SLC4A4: variants seen among roughly 807,000 people sequenced by gnomAD.
SLC4A4 encodes solute carrier family 4 member 4, also known as electrogenic sodium bicarbonate cotransporter 1.
SLC4A4 carries 27 observed loss-of-function variants against 111.5 expected under a neutral mutation model. The ratio of observed to expected loss-of-function variants is 0.24; its 90% CI spans 0.18 to 0.33. The LOEUF is 0.33. SLC4A4 is among the 10% of genes least tolerant of loss of function. The probability of loss-of-function intolerance (pLI) is 1.00; values close to 1 mark genes in which losing one functional copy is unlikely to be tolerated. For synonymous variants in SLC4A4, 443 were observed against 463.4 expected, an observed-to-expected ratio of 0.96 and a Z score of 0.57; for missense variants, 909 against 1,315.5, an observed-to-expected ratio of 0.69 and a Z score of 4.78.
chr4:71,223,364 A>T (rs1718863526), intron 1 of SLC4A4, among the ~76,000 whole-genome samples: 1 of 151,644 alleles, frequency 6.6e-6, no homozygotes, highest in Non-Finnish European at 1.5e-5. Context: ...TTTAGCAGAG[A>T]CGGGTTTTCA....
chr4:71,300,391 C>G (rs578074859), intron 3 of SLC4A4: 2 of 231,716 alleles, frequency 8.6e-6, no homozygotes, highest in African/African-American at 4.6e-5. Flanking sequence ...CAGGACACAA[C>G]GAAGAGGCAT....
chr4:71,394,854 G>A (rs1719655430), intron 6 of SLC4A4, among the ~76,000 whole-genome samples: 1 of 152,128 alleles, frequency 6.6e-6, no homozygotes, highest in Non-Finnish European at 1.5e-5. Flanking sequence ...TGTTCTCACT[G>A]ATATGTGAGA....
At chr4:71,374,247 T>C (rs1732140406) in intron 6 of SLC4A4, among the ~76,000 whole-genome samples, 1 of 152,186 alleles carries the variant, frequency 6.6e-6, no homozygotes, top group Admixed American at 6.5e-5. Context: ...AGATGCAGAC[T>C]TGTTTTTGAA....
At chr4:71,104,034 T>C (rs1443689258) in intron 2 of SLC4A4, among the ~76,000 whole-genome samples, 1 of 72,878 alleles carries the variant, frequency 1.4e-5, no homozygotes, top group South Asian at 5.8e-4. Flanking sequence ...GCAAGACTAA[T>C]AAAGAAAAAA....
intron 16 of SLC4A4, among the ~76,000 whole-genome samples, chr4:71,508,108 G>A (rs1436558614): frequency 2.0e-5 from 3 of 152,184 alleles, no homozygotes; most frequent in East Asian, 3.9e-4. Flanking sequence ...GAACTTTATA[G>A]CACTAAAAGC....
chr4:71,307,203 A>G (rs1258197390), intron 3 of SLC4A4, among the ~76,000 whole-genome samples: 1 of 152,210 alleles, frequency 6.6e-6, no homozygotes, highest in Non-Finnish European at 1.5e-5. Context: ...AATTATAAGG[A>G]ACTTACTACA....
chr4:71,324,070 C>A (rs1416536749), intron 3 of SLC4A4, among the ~76,000 whole-genome samples: 4 of 151,822 alleles, frequency 2.6e-5, no homozygotes, highest in Admixed American at 2.6e-4. Flanking sequence ...CCTTGGGGAC[C>A]CAGCAAATTC....
At chr4:71,246,456 A>G (rs1411155771) in intron 2 of SLC4A4, among the ~76,000 whole-genome samples, 21 of 152,216 alleles carry the variant, frequency 1.4e-4, no homozygotes, top group Admixed American at 1.4e-3. Context: ...CAGGAAGTGG[A>G]AAGACCTGAA....
At chr4:71,158,130 T>C (rs979400235) in intron 2 of SLC4A4, among the ~76,000 whole-genome samples, 2 of 151,652 alleles carry the variant, frequency 1.3e-5, no homozygotes, top group Non-Finnish European at 2.9e-5. Flanking sequence ...TGTGTGTGTG[T>C]GTGTGTGTGT....
At chr4:71,457,980 T>C (rs1726445856) in intron 12 of SLC4A4, among the ~76,000 whole-genome samples, 1 of 152,172 alleles carries the variant, frequency 6.6e-6, no homozygotes, top group South Asian at 2.1e-4. Context: ...AAATTTTGTA[T>C]TAGCATTTAT....
intron 2 of SLC4A4, among the ~76,000 whole-genome samples, chr4:71,126,841 C>A (rs1743574848): frequency 6.6e-6 from 1 of 152,124 alleles, no homozygotes; most frequent in Admixed American, 6.5e-5. Context: ...TATCCACTTC[C>A]ACATACTTTT....
rs574108823 is a variant in SLC4A4, at chr4:71,306,310, C to T, written c.254-33060C>T. Among the ~76,000 whole-genome samples the T allele has an allele frequency of 1.2e-4, 19 of 152,268 alleles. 1 individual carries two copies. The highest frequency in any genetic ancestry group is 3.4e-3 in the Middle Eastern group (1 of 294). On this transcript the variant is annotated intron_variant, in intron 3 of 25. Coordinates refer to ENST00000264485, the MANE Select transcript of SLC4A4 (RefSeq NM_001098484.3). ...ATAAAATGGGATAATAGGCTGGGCG[C>T]GGTGGCTCACACCTGTAATCCCAGC... is the stretch of plus-strand genomic sequence containing the variant.
At chr4:71,460,473 C>T (rs1215655135) in intron 12 of SLC4A4, among the ~76,000 whole-genome samples, 1 of 152,110 alleles carries the variant, frequency 6.6e-6, no homozygotes, top group Non-Finnish European at 1.5e-5. Flanking sequence ...TTTCTTCAAG[C>T]AGGGAGATAA....
intron 6 of SLC4A4, among the ~76,000 whole-genome samples, chr4:71,370,566 G>A (rs1284578422): frequency 1.3e-5 from 2 of 152,076 alleles, no homozygotes; most frequent in African/African-American, 2.4e-5. Context: ...CTCTTTTACC[G>A]TAAACCTGGG....
intron 14 of SLC4A4, chr4:71,473,217 CA>C: frequency 1.6e-6 from 1 of 637,974 alleles, no homozygotes; most frequent in Non-Finnish European, 2.8e-6. Context: ...GAAATTAACT[CA>C]AACTGTGGGA....
intron 1 of SLC4A4, among the ~76,000 whole-genome samples, chr4:71,223,673 C>A (rs1009123041): frequency 6.6e-6 from 1 of 152,110 alleles, no homozygotes; most frequent in Non-Finnish European, 1.5e-5. Flanking sequence ...GAAAAGCCTG[C>A]CCAAAGCCAA....
At chr4:71,405,391 A>AT (rs547015804) in intron 7 of SLC4A4, among the ~76,000 whole-genome samples, 227 of 152,122 alleles carry the variant, frequency 1.5e-3, no homozygotes, top group Middle Eastern at 6.8e-3. Context: ...CTAAAATTTG[A>AT]TTTTTTTAAA....
intron 20 of SLC4A4, among the ~76,000 whole-genome samples, chr4:71,550,192 A>G (rs749061731): frequency 1.3e-5 from 2 of 151,996 alleles, no homozygotes; most frequent in Non-Finnish European, 2.9e-5. Flanking sequence ...TATAGTTTAT[A>G]GCATACTGTA....
chr4:71,497,442 A>G, intron 15 of SLC4A4, 59 bp from the exon 16 acceptor site: 1 of 1,415,290 alleles, frequency 7.1e-7, no homozygotes, highest in African/African-American at 1.4e-5. Context: ...TCAAGTATCA[A>G]AGGCTGCTTT....
Sources: allele counts gnomAD v4.1 joint callset (sites outside exome capture counted in the v4.1 genomes callset), GRCh38; gene constraint gnomAD v4.1.1; transcripts MANE v1.5; gene names NCBI Gene and HGNC (gene_info 2026-07-23, HGNC 2026-07-21).